ZMAT4: variants seen among roughly 807,000 people sequenced by gnomAD.
ZMAT4 encodes zinc finger matrin-type protein 4.
ZMAT4 carries 17 observed loss-of-function variants against 28.7 expected under a neutral mutation model. The observed-to-expected ratio is 0.59, with a 90% CI of 0.41 to 0.89. The LOEUF (loss-of-function observed/expected upper bound fraction) is 0.89, where lower values mean the gene tolerates loss of function less well. Ranked by LOEUF, ZMAT4 falls within the 40% of genes least tolerant of loss-of-function variation. ZMAT4 has a pLI of 0.00. For synonymous variants in ZMAT4, 117 were observed against 109.2 expected (o/e 1.07, Z -0.44); for missense variants, 240 against 283.8 (o/e 0.85, Z 1.11).
intron 5 of ZMAT4, among the ~76,000 whole-genome samples, chr8:40,649,687 T>A (rs1807538855): frequency 6.6e-6 from 1 of 151,906 alleles, no homozygotes; most frequent in African/African-American, 2.4e-5. Flanking sequence ...AAAGCTCTCC[T>A]CAGCAAATGT....
intron 5 of ZMAT4, among the ~76,000 whole-genome samples, chr8:40,638,200 A>G (rs2118751098): frequency 6.6e-6 from 1 of 152,332 alleles, no homozygotes; most frequent in African/African-American, 2.4e-5. Context: ...AAATGGTGAA[A>G]AGAGTAGATT....
chr8:40,819,698 C>T (rs1163060909), intron 2 of ZMAT4, among the ~76,000 whole-genome samples: 1 of 152,028 alleles, frequency 6.6e-6, no homozygotes, highest in Non-Finnish European at 1.5e-5. Flanking sequence ...TTAGGGTTCA[C>T]AGGAAGGGAC....
intron 1 of ZMAT4, among the ~76,000 whole-genome samples, chr8:40,834,924 C>A (rs537961804): frequency 1.3e-5 from 2 of 152,352 alleles, no homozygotes; most frequent in East Asian, 1.9e-4. Context: ...GCAGTGGCAG[C>A]TTTGGGGAGA....
chr8:40,686,871 C>T (rs1000980453), intron 4 of ZMAT4, among the ~76,000 whole-genome samples: 2 of 152,058 alleles, frequency 1.3e-5, no homozygotes, highest in Non-Finnish European at 2.9e-5. Context: ...TTGCAGGCAT[C>T]TTGACCACAG....
intron 1 of ZMAT4, among the ~76,000 whole-genome samples, chr8:40,860,480 C>G (rs971705219): frequency 1.3e-5 from 2 of 152,208 alleles, no homozygotes. Context: ...GATATTGTTA[C>G]ATTGGACAAC....
chr8:40,875,363 G>A (rs1328790793), intron 1 of ZMAT4, among the ~76,000 whole-genome samples: 1 of 152,078 alleles, frequency 6.6e-6, no homozygotes, highest in South Asian at 2.1e-4. Flanking sequence ...TAAGACAAGC[G>A]CATGTTGAGG....
chr8:40,807,355 T>C lies in ZMAT4; in HGVS notation c.102+18220A>G, dbSNP rs976232697. 4.6e-5 allele frequency among the ~76,000 whole-genome samples: 7 copies of C among 151,908 alleles called. No homozygotes were observed. In the East Asian group the frequency reaches 1.4e-3, roughly 29 times the overall value. The stretch of plus-strand genomic sequence containing the variant: ...TACTCAGGAGGCTGAGGCAGGAGAA[T>C]CTCTAAGAACACCAGGAGGAGAAGG... On this transcript the variant is annotated intron_variant, in intron 2 of 6. Transcript: ENST00000297737.
chr8:40,862,639 C>A (rs1817542282), intron 1 of ZMAT4, among the ~76,000 whole-genome samples: 1 of 142,796 alleles, frequency 7.0e-6, no homozygotes, highest in South Asian at 2.3e-4. Context: ...TACTATGCAG[C>A]CATAAAAAAG....
At chr8:40,556,848 T>A (rs1460482433) in intron 6 of ZMAT4, among the ~76,000 whole-genome samples, 2 of 152,230 alleles carry the variant, frequency 1.3e-5, no homozygotes, top group Non-Finnish European at 2.9e-5. Context: ...CTTAAGTCCT[T>A]TCTTCTAGCT....
At chr8:40,724,307 G>A (rs1811232745) in intron 3 of ZMAT4, among the ~76,000 whole-genome samples, 1 of 152,186 alleles carries the variant, frequency 6.6e-6, no homozygotes, top group Admixed American at 6.5e-5. Context: ...GGTCTCTATG[G>A]TGGACCAAAG....
At chr8:40,785,662 T>C (rs761490729) in intron 2 of ZMAT4, among the ~76,000 whole-genome samples, 1 of 152,206 alleles carries the variant, frequency 6.6e-6, no homozygotes, top group Non-Finnish European at 1.5e-5. Context: ...AGCCTACAGA[T>C]AAATATGCAC....
In ZMAT4 at chr8:40,771,797, CTG is replaced by C. The variant is rs1813400474; in HGVS notation, c.103-4069_103-4068del. 3.3e-5 allele frequency among the ~76,000 whole-genome samples: 5 copies of C among 152,324 alleles called. No homozygotes were observed. The South Asian group carries it at 6.2e-4, about 19-fold the overall frequency. On this transcript the variant is annotated intron_variant, in intron 2 of 6. Coordinates refer to ENST00000297737, the MANE Select transcript of ZMAT4 (RefSeq NM_024645.3). ...GGCCTAAGCTATACGCACAACTACA[CTG>C]TGAAGGACTGGAGGAAAAGCTACAT...
At chr8:40,775,599 A>T (rs1813558797) in intron 2 of ZMAT4, among the ~76,000 whole-genome samples, 1 of 152,234 alleles carries the variant, frequency 6.6e-6, no homozygotes, top group Non-Finnish European at 1.5e-5. Context: ...GGGACAAGGC[A>T]GAATTAACTC....
At chr8:40,553,307 A>T (rs1286601039) in intron 6 of ZMAT4, among the ~76,000 whole-genome samples, 1 of 152,148 alleles carries the variant, frequency 6.6e-6, no homozygotes, top group Non-Finnish European at 1.5e-5. Context: ...ATGAGGCAAT[A>T]AATATTTGTT....
chr8:40,675,056 T>C (rs1489955020), intron 4 of ZMAT4, 125 bp from the exon 5 acceptor site: 2 of 625,224 alleles, frequency 3.2e-6, no homozygotes, highest in Non-Finnish European at 5.2e-6. Flanking sequence ...CAAGAGTTCA[T>C]TGACAGCAGG....
In ZMAT4 at chr8:40,833,952, AAG is replaced by A. The variant is rs1288015997; in HGVS notation, c.-4-8274_-4-8273del. ...CTTTCCAGCCTGAGCTTTGTTTAAA[AAG>A]AGAGAGAGGCAGAGGGAGAGAAAAC... On this transcript the variant is annotated intron_variant, in intron 1 of 6. Transcript: ENST00000297737. Among the ~76,000 whole-genome samples, 16 of 152,312 alleles carry A rather than the reference AAG, an allele frequency of 1.1e-4. No individual in the cohort carries two copies. The East Asian group carries it at 3.1e-3, about 29-fold the overall frequency.
intron 6 of ZMAT4, among the ~76,000 whole-genome samples, chr8:40,551,480 G>C (rs1210049908): frequency 6.6e-6 from 1 of 152,120 alleles, no homozygotes; most frequent in East Asian, 1.9e-4. Flanking sequence ...TACTGTAGTG[G>C]TTACATGGTT....
At chr8:40,785,887 A>C (rs10104640) in intron 2 of ZMAT4, among the ~76,000 whole-genome samples, 112,576 of 152,030 alleles carry the variant, frequency 0.74, 41,916 homozygotes, top group East Asian at 0.9. Context: ...TACCTGCTAA[A>C]TAATTTGCTG....
At chr8:40,889,514 CAA>C (rs1818588751) in intron 1 of ZMAT4, among the ~76,000 whole-genome samples, 1 of 152,134 alleles carries the variant, frequency 6.6e-6, no homozygotes, top group Admixed American at 6.5e-5. Context: ...TTAAAGAAAT[CAA>C]AAGTCATATG....
Sources: allele counts gnomAD v4.1 joint callset (sites outside exome capture counted in the v4.1 genomes callset), GRCh38; gene constraint gnomAD v4.1.1; transcripts MANE v1.5; gene names NCBI Gene and HGNC (gene_info 2026-07-23, HGNC 2026-07-21).